The following GRHL2 variants were observed in gnomAD, a reference collection of about 807,000 sequenced individuals.
The protein encoded by GRHL2 is grainyhead-like protein 2 homolog.
Under a neutral mutation model 83.8 loss-of-function variants are expected in GRHL2, and 21 were observed. The observed-to-expected ratio is 0.25, with a 90% confidence interval of 0.18 to 0.36. The LOEUF (loss-of-function observed/expected upper bound fraction) is 0.36, where lower values mean the gene tolerates loss of function less well. Among genes scored for constraint, GRHL2 ranks in the 10% least tolerant of loss-of-function variants. GRHL2 has a pLI of 1.00. For synonymous variants in GRHL2, 280 were observed against 278.9 expected (o/e 1.00, Z -0.04); for missense variants, 623 against 781.8 (o/e 0.80, Z 2.42).
chr8:101,667,009 T>G lies in GRHL2; in HGVS notation c.*306T>G. ...GGCCCGCCAGGACTCTGCAGGTCAC[T>G]GCTAGCTCCAGATGAGACCGTCCAG... On this transcript the variant is annotated 3_prime_UTR_variant, in exon 16 of 16. Coordinates refer to ENST00000646743, the MANE Select transcript of GRHL2 (RefSeq NM_024915.4). The G allele has an allele frequency of 2.0e-6, 1 of 494,026 alleles. No individual in the cohort carries two copies. 30.6% of individuals were successfully genotyped at this position (494,026 alleles called of 1,614,324 possible).
chr8:101,544,539 A>T (rs7821460), intron 2 of GRHL2, among the ~76,000 whole-genome samples: 18 of 152,334 alleles, frequency 1.2e-4, no homozygotes, highest in African/African-American at 3.6e-4. Flanking sequence ...TTATTAAAGT[A>T]TAAAAAGTTG....
intron 8 of GRHL2, among the ~76,000 whole-genome samples, chr8:101,602,007 G>C (rs376264197): frequency 6.6e-6 from 1 of 152,048 alleles, no homozygotes; most frequent in Non-Finnish European, 1.5e-5. Context: ...GCCCTGGTGC[G>C]TAATGTTCCT....
chr8:101,503,145 C>T (rs1392167828), intron 1 of GRHL2, among the ~76,000 whole-genome samples: 1 of 152,032 alleles, frequency 6.6e-6, no homozygotes, highest in African/African-American at 2.4e-5. Context: ...GTCAATTGCC[C>T]CTGAAAGGTT....
At chr8:101,549,188 C>T (rs1192784398) in intron 2 of GRHL2, among the ~76,000 whole-genome samples, 4 of 152,200 alleles carry the variant, frequency 2.6e-5, no homozygotes, top group Non-Finnish European at 5.9e-5. Context: ...GACTTTGTGT[C>T]ATGGCTCTTT....
intron 2 of GRHL2, among the ~76,000 whole-genome samples, chr8:101,546,834 C>T (rs574891734): frequency 6.6e-6 from 1 of 152,280 alleles, no homozygotes; most frequent in African/African-American, 2.4e-5. Flanking sequence ...TACTTGTCCT[C>T]TTATGCTAGC....
chr8:101,522,413 A>G (rs1001195023), intron 1 of GRHL2, among the ~76,000 whole-genome samples: 2 of 152,252 alleles, frequency 1.3e-5, no homozygotes, highest in Non-Finnish European at 2.9e-5. Context: ...TGCATGGGTT[A>G]TATACCTAAA....
In GRHL2 at chr8:101,599,147, C is replaced by G. The variant is rs775404836; in HGVS notation, c.1094C>G (p.Ala365Gly). 1 of 1,593,402 alleles carries G rather than the reference C, an allele frequency of 6.3e-7. No homozygotes were observed. Among genetic ancestry groups the G allele is most frequent in the Non-Finnish European group, 8.6e-7 (1 of 1,161,366 alleles). The change falls in exon 8 of 16, where the codon GCG becomes GGG. Residue 365 changes from alanine (A) to glycine (G), a missense_variant. Coordinates refer to ENST00000646743, the MANE Select transcript of GRHL2 (RefSeq NM_024915.4). The stretch of plus-strand genomic sequence containing the variant: ...TTTACCTGGGACGTGAATGAAGAGG[C>G]GAAGGTGAGTGACATTGATTCATTG... Reference protein sequence around the residue: ...VSFTWDVNEEAKIFITVNCLS... With the variant: ...VSFTWDVNEEGKIFITVNCLS...
chr8:101,641,014 C>G (rs1813389612), intron 12 of GRHL2, among the ~76,000 whole-genome samples: 1 of 152,138 alleles, frequency 6.6e-6, no homozygotes, highest in African/African-American at 2.4e-5. Context: ...ACAGAAATAT[C>G]TGTATTACCT....
At position 101,666,895 on chromosome 8, in the gene GRHL2, A is replaced by G; in HGVS notation, c.*192A>G. ...CTTGGCCCATCCACTGGCACCTACCACGGAGCTGAAGCCTGAGCCCCTCAG... is the reference window on the plus strand; with the variant it reads ...CTTGGCCCATCCACTGGCACCTACCGCGGAGCTGAAGCCTGAGCCCCTCAG... On this transcript the variant is annotated 3_prime_UTR_variant, in exon 16 of 16. Transcript: ENST00000646743. The G allele has an allele frequency of 1.6e-6, 1 of 645,116 alleles. No homozygotes were observed. Among genetic ancestry groups the G allele is most frequent in the Admixed American group, 2.3e-5 (1 of 43,838 alleles). 40.0% of individuals were successfully genotyped at this position (645,116 alleles called of 1,614,324 possible).
At chr8:101,577,171 A>T (rs960124111) in intron 6 of GRHL2, among the ~76,000 whole-genome samples, 1 of 151,560 alleles carries the variant, frequency 6.6e-6, no homozygotes, top group African/African-American at 2.4e-5. Flanking sequence ...GGTAAAACTG[A>T]TGTAGGACTC....
intron 1 of GRHL2, among the ~76,000 whole-genome samples, chr8:101,500,134 C>CA (rs111727734): frequency 2.6e-5 from 4 of 151,748 alleles, no homozygotes; most frequent in Non-Finnish European, 5.9e-5. Flanking sequence ...AAAACAACAA[C>CA]AAAAAAAACT....
chr8:101,555,621 A>G (rs1811474986), intron 3 of GRHL2, among the ~76,000 whole-genome samples: 2 of 152,154 alleles, frequency 1.3e-5, no homozygotes, highest in Admixed American at 6.5e-5. Flanking sequence ...CATAAATTCT[A>G]AATTTTCACT....
At chr8:101,671,500 T>C (rs1374774657), downstream of GRHL2, among the ~76,000 whole-genome samples, 4 of 152,078 alleles carry the variant, frequency 2.6e-5, no homozygotes, top group African/African-American at 7.2e-5. Context: ...CACCTGCAAT[T>C]GCCCAGGCTT....
chr8:101,608,715 C>CTTTTTTTATTTTTCTACATTTTTTAT (rs1244428414), intron 8 of GRHL2, among the ~76,000 whole-genome samples: 1 of 145,190 alleles, frequency 6.9e-6, no homozygotes, highest in African/African-American at 2.7e-5. Flanking sequence ...GCCAGATTTG[C>CTTTTTTTATTTTTCTACATTTTTTAT]TTTGTCTCTG....
At chr8:101,498,534 T>C (rs76619801) in intron 1 of GRHL2, among the ~76,000 whole-genome samples, 1 of 152,188 alleles carries the variant, frequency 6.6e-6, no homozygotes, top group Non-Finnish European at 1.5e-5. Flanking sequence ...TTTGATAGGA[T>C]GATGATTGCA....
intron 7 of GRHL2, among the ~76,000 whole-genome samples, chr8:101,598,530 A>C (rs1458026146): frequency 6.7e-6 from 1 of 148,630 alleles, no homozygotes; most frequent in Non-Finnish European, 1.5e-5. Flanking sequence ...ATGAGCCACC[A>C]CACCCGGCCC....
At chr8:101,521,381 T>G (rs1389617083) in intron 1 of GRHL2, among the ~76,000 whole-genome samples, 3 of 152,224 alleles carry the variant, frequency 2.0e-5, no homozygotes, top group Admixed American at 1.3e-4. Context: ...TAAATTTCAG[T>G]GACGGGCAAC....
intron 7 of GRHL2, among the ~76,000 whole-genome samples, chr8:101,583,553 G>A (rs1344530026): frequency 6.6e-6 from 1 of 152,136 alleles, no homozygotes; most frequent in Non-Finnish European, 1.5e-5. Flanking sequence ...CCAGGGGCAT[G>A]TTGATTTTGA....
intron 1 of GRHL2, among the ~76,000 whole-genome samples, chr8:101,499,936 C>G (rs1490884374): frequency 6.6e-6 from 1 of 152,004 alleles, no homozygotes; most frequent in African/African-American, 2.4e-5. Context: ...ATTAGCCAGG[C>G]ATGGTGGCAC....
Sources: allele counts gnomAD v4.1 joint callset (sites outside exome capture counted in the v4.1 genomes callset), GRCh38; gene constraint gnomAD v4.1.1; transcripts MANE v1.5; gene names NCBI Gene and HGNC (gene_info 2026-07-23, HGNC 2026-07-21).